RFX3: variants seen among roughly 807,000 people sequenced by gnomAD.
RFX3 encodes regulatory factor X3, also known as transcription factor RFX3.
In RFX3, 14 loss-of-function variants were observed where a neutral mutation model predicts 98.6. That is an observed-to-expected ratio of 0.14 (90% CI 0.09 to 0.22). RFX3 has a LOEUF of 0.22. Among genes scored for constraint, RFX3 ranks in the 10% least tolerant of loss-of-function variants. RFX3 has a pLI of 1.00. For missense variants in RFX3, 639 were observed against 926.9 expected (o/e 0.69, Z 4.03); for synonymous variants, 383 against 328.4 (o/e 1.17, Z -1.80).
At chr9:3,432,531 C>T (rs577426649) in intron 1 of RFX3, among the ~76,000 whole-genome samples, 140 of 152,084 alleles carry the variant, frequency 9.2e-4, no homozygotes, top group Middle Eastern at 6.8e-3. Context: ...CATGACTTCA[C>T]AAGATTTAGA....
At chr9:3,305,197 T>C (rs2920371) in intron 4 of RFX3, among the ~76,000 whole-genome samples, 2,463 of 152,102 alleles carry the variant, frequency 0.016, 67 homozygotes, top group African/African-American at 0.056. Context: ...GCATGAGCTA[T>C]AAATATACAT....
chr9:3,328,234 T>C (rs1453960711), intron 4 of RFX3, among the ~76,000 whole-genome samples: 2 of 152,176 alleles, frequency 1.3e-5, no homozygotes, highest in Non-Finnish European at 2.9e-5. Context: ...AATAATTTTC[T>C]AGGTGGCCTA....
At chr9:3,257,744 A>C (rs970690032) in intron 13 of RFX3, among the ~76,000 whole-genome samples, 1 of 152,212 alleles carries the variant, frequency 6.6e-6, no homozygotes, top group Non-Finnish European at 1.5e-5. Context: ...TGTGAGTTAT[A>C]TGGATTGGGA....
At chr9:3,496,064 T>C (rs1007015939) in intron 1 of RFX3, among the ~76,000 whole-genome samples, 1 of 152,046 alleles carries the variant, frequency 6.6e-6, no homozygotes, top group African/African-American at 2.4e-5. Flanking sequence ...AGAAGCTATA[T>C]TCATTTTCAG....
Position 3,288,187 on chromosome 9 carries a change from C to T in RFX3, c.795G>A (p.Leu265=). The change falls in exon 7 of 17, where the codon CTG becomes CTA. Residue 265 remains leucine (L), a synonymous_variant. Coordinates refer to ENST00000617270, the MANE Select transcript of RFX3 (RefSeq NM_001282116.2). The part of the protein sequence containing the change: ...RVKPDSPLNR[L]QEDMQYMAMR... ...TAGCCATATACTGCATGTCTTCTTG[C>T]AGACGATTAAGAGGGGAATCTGGCT... The T allele has an allele frequency of 6.2e-7, 1 of 1,612,664 alleles. No homozygotes were observed. The highest frequency in any genetic ancestry group is 8.5e-7 in the Non-Finnish European group (1 of 1,178,880).
At chr9:3,328,817 T>C (rs960689117) in intron 4 of RFX3, among the ~76,000 whole-genome samples, 1 of 152,184 alleles carries the variant, frequency 6.6e-6, no homozygotes, top group African/African-American at 2.4e-5. Flanking sequence ...ATAAAGCTTC[T>C]CATATTACTA....
intron 1 of RFX3, among the ~76,000 whole-genome samples, chr9:3,458,204 A>T (rs985568994): frequency 1.3e-5 from 2 of 152,272 alleles, no homozygotes; most frequent in South Asian, 4.2e-4. Flanking sequence ...GTCAGTTATT[A>T]AAAAAGGCCT....
chr9:3,516,467 AG>A (rs1818182001), intron 1 of RFX3, among the ~76,000 whole-genome samples: 1 of 152,260 alleles, frequency 6.6e-6, no homozygotes, highest in South Asian at 2.1e-4. Flanking sequence ...ATTAAGAAAA[AG>A]AAAAGCAGTA....
intron 1 of RFX3, among the ~76,000 whole-genome samples, chr9:3,493,238 A>G (rs928546696): frequency 1.3e-5 from 2 of 152,106 alleles, no homozygotes; most frequent in African/African-American, 4.8e-5. Context: ...TTTCTCAATT[A>G]AAAGCCCAAG....
intron 1 of RFX3, among the ~76,000 whole-genome samples, chr9:3,434,850 A>C (rs1844973568): frequency 6.6e-6 from 1 of 152,106 alleles, no homozygotes; most frequent in African/African-American, 2.4e-5. Flanking sequence ...TAAACATCAC[A>C]GAGTGTTCTT....
intron 4 of RFX3, among the ~76,000 whole-genome samples, chr9:3,310,429 G>A (rs984372217): frequency 2.0e-5 from 3 of 152,018 alleles, no homozygotes; most frequent in East Asian, 1.9e-4. Context: ...ATGTTCTCTC[G>A]ACTCTGAAAT....
At chr9:3,475,236 C>T (rs1385854710) in intron 1 of RFX3, among the ~76,000 whole-genome samples, 1 of 152,018 alleles carries the variant, frequency 6.6e-6, no homozygotes, top group Non-Finnish European at 1.5e-5. Context: ...CCCACAGGGT[C>T]AGTGGGTTTT....
intron 1 of RFX3, among the ~76,000 whole-genome samples, chr9:3,426,049 T>A (rs1010815021): frequency 6.6e-5 from 10 of 152,212 alleles, no homozygotes; most frequent in Non-Finnish European, 1.3e-4. Flanking sequence ...GGAATAATGA[T>A]CTTTTTTAAA....
rs773369597 is a variant in RFX3 at position 3,219,516 on chromosome 9, C to G, written c.*5526G>C. The G allele has an allele frequency of 4.7e-5, 7 of 148,244 alleles. No homozygotes were observed. The highest frequency in any genetic ancestry group is 8.9e-5 in the Non-Finnish European group (6 of 67,114). 9.2% of individuals were successfully genotyped at this position (148,244 alleles called of 1,614,324 possible). ...AACCAGAACCAAATAAAAGAAGAGA[C>G]AAAACACATTTTTCTTTTTAAAAAA... is the stretch of plus-strand genomic sequence containing the variant. On this transcript the variant is annotated 3_prime_UTR_variant, in exon 17 of 17. Coordinates refer to ENST00000617270, the MANE Select transcript of RFX3 (RefSeq NM_001282116.2).
chr9:3,455,223 C>T (rs1343935624), intron 1 of RFX3, among the ~76,000 whole-genome samples: 1 of 152,182 alleles, frequency 6.6e-6, no homozygotes, highest in East Asian at 1.9e-4. Context: ...GGCCTCATTC[C>T]TTTCTACCGT....
At chr9:3,447,565 C>G (rs1374491714) in intron 1 of RFX3, among the ~76,000 whole-genome samples, 1 of 152,114 alleles carries the variant, frequency 6.6e-6, no homozygotes, top group South Asian at 2.1e-4. Context: ...CAACTTTGTT[C>G]TTGCTCATTT....
chr9:3,418,473 G>A (rs1026971333), intron 1 of RFX3, among the ~76,000 whole-genome samples: 3 of 151,986 alleles, frequency 2.0e-5, no homozygotes, highest in African/African-American at 4.8e-5. Flanking sequence ...TCCAGCTCCT[G>A]GGTTCAAGCA....
intron 1 of RFX3, among the ~76,000 whole-genome samples, chr9:3,509,057 A>C (rs1366849429): frequency 6.6e-6 from 1 of 151,934 alleles, no homozygotes; most frequent in Non-Finnish European, 1.5e-5. Context: ...ACAGTCCCAT[A>C]CTATTAAAAA....
At chr9:3,333,149 T>C (rs1321517198) in intron 3 of RFX3, among the ~76,000 whole-genome samples, 2 of 152,218 alleles carry the variant, frequency 1.3e-5, no homozygotes, top group African/African-American at 4.8e-5. Context: ...AAAAGTATGG[T>C]AGACGTAATA....
Sources: allele counts gnomAD v4.1 joint callset (sites outside exome capture counted in the v4.1 genomes callset), GRCh38; gene constraint gnomAD v4.1.1; transcripts MANE v1.5; gene names NCBI Gene and HGNC (gene_info 2026-07-23, HGNC 2026-07-21).